RREB1: variants seen among roughly 807,000 people sequenced by gnomAD.
RREB1 encodes ras responsive element binding protein 1.
A neutral mutation model predicts 117.8 loss-of-function variants in RREB1; 27 were observed. That is an observed-to-expected ratio of 0.23 (90% CI 0.17 to 0.32). RREB1 has a LOEUF of 0.32. RREB1 is among the 10% of genes least tolerant of loss of function. The pLI is 1.00. For missense variants in RREB1, 2,577 were observed against 2,378.2 expected, an observed-to-expected ratio of 1.08 and a Z score of -1.74; for synonymous variants, 1,298 against 1,026.7, an observed-to-expected ratio of 1.26 and a Z score of -5.05.
chr6:7,175,652 T>C (rs936546752), intron 1 of RREB1, among the ~76,000 whole-genome samples: 2 of 152,252 alleles, frequency 1.3e-5, no homozygotes, highest in Non-Finnish European at 2.9e-5. Context: ...AGCCAGGGAA[T>C]GTGGCCACAT....
intron 6 of RREB1, among the ~76,000 whole-genome samples, chr6:7,197,588 C>G (rs1316529320): frequency 1.3e-5 from 2 of 152,226 alleles, no homozygotes; most frequent in Non-Finnish European, 2.9e-5. Context: ...TTCACTTGAA[C>G]TCATGAGGCG....
chr6:7,114,644 T>G (rs765874028), intron 1 of RREB1, among the ~76,000 whole-genome samples: 2 of 152,212 alleles, frequency 1.3e-5, no homozygotes, highest in African/African-American at 2.4e-5. Context: ...ACAAGTCCAC[T>G]GGGTGCGCTG....
At chr6:7,150,107 T>C (rs970420119) in intron 1 of RREB1, among the ~76,000 whole-genome samples, 1 of 151,918 alleles carries the variant, frequency 6.6e-6, no homozygotes, top group Non-Finnish European at 1.5e-5. Context: ...TATACCAGAC[T>C]CTTTCTTGGC....
Position 7,236,081 on chromosome 6 carries a change from C to G in RREB1, c.3808+4174C>G, listed in dbSNP as rs561488726. ...TTCCTGGTTCCTTACCTTTCTCTAC[C>G]TAAACGCGCCACTCCATAGGAGACA... On this transcript the variant is annotated intron_variant, in intron 10 of 12. Transcript: ENST00000379938. Among the ~76,000 whole-genome samples, 5 of 152,230 alleles carry G rather than the reference C, an allele frequency of 3.3e-5. No homozygotes were observed. The South Asian group carries it at 1.0e-3, about 32-fold the overall frequency.
chr6:7,196,215 TTCG>T (rs1765659783), intron 6 of RREB1, among the ~76,000 whole-genome samples: 2 of 140,936 alleles, frequency 1.4e-5, no homozygotes, highest in Non-Finnish European at 3.0e-5. Flanking sequence ...GGTTTTTTTT[TTCG>T]TTTTTTTTTT....
chr6:7,167,920 G>A (rs767592362), intron 1 of RREB1, among the ~76,000 whole-genome samples: 4 of 152,102 alleles, frequency 2.6e-5, no homozygotes, highest in African/African-American at 9.7e-5. Context: ...CTCAGAGTTC[G>A]GTGGCTCCAT....
rs912861461 is a variant in RREB1 at position 7,226,487 on chromosome 6, C to T, written c.728C>T (p.Thr243Ile). The change falls in exon 9 of 13, where the codon ACC (threonine) becomes ATC (isoleucine). Residue 243 changes from threonine to isoleucine, a missense_variant. Transcript: ENST00000379938. Reference sequence around the variant, plus strand: ...CCTAGATGTGACATTTGTTGTGTCACCTTTCGAACACATCGAGGACTGCTG... The same window carrying T: ...CCTAGATGTGACATTTGTTGTGTCATCTTTCGAACACATCGAGGACTGCTG... ...NPLRCDICCV[T>I]FRTHRGLLRH... 10 of 1,613,332 alleles carry T rather than the reference C, an allele frequency of 6.2e-6. No individual in the cohort carries two copies. The highest frequency in any genetic ancestry group is 8.5e-6 in the Non-Finnish European group (10 of 1,179,568).
In RREB1 at chr6:7,231,155, ACTC is replaced by A. The variant is rs1316065684; in HGVS notation, c.3060_3062del (p.Ser1021del). 1 of 1,610,476 alleles carries A rather than the reference ACTC, an allele frequency of 6.2e-7. No homozygotes were observed. Among genetic ancestry groups the A allele is most frequent in the East Asian group, 2.2e-5 (1 of 44,768 alleles). On this transcript the variant is annotated inframe_deletion, in exon 10 of 13. Coordinates refer to ENST00000379938, the MANE Select transcript of RREB1 (RefSeq NM_001003699.4). ...CCTGTTCAGCTGGCGGTCCCAATCT[ACTC>A]CTCAGCCCTGGTCAGCAGCCCTCCA...
chr6:7,141,616 CG>C (rs1443124565), intron 1 of RREB1, among the ~76,000 whole-genome samples: 1 of 152,212 alleles, frequency 6.6e-6, no homozygotes, highest in African/African-American at 2.4e-5. Flanking sequence ...TTGGCTTCCC[CG>C]ATGGCTATTT....
intron 8 of RREB1, among the ~76,000 whole-genome samples, chr6:7,225,459 T>C (rs1581565334): frequency 6.6e-6 from 1 of 152,138 alleles, no homozygotes; most frequent in Admixed American, 6.5e-5. Context: ...ATAACGATGG[T>C]ATTTTGTTTT....
chr6:7,203,085 GT>G (rs1348370436), intron 6 of RREB1, among the ~76,000 whole-genome samples: 2 of 152,228 alleles, frequency 1.3e-5, no homozygotes, highest in African/African-American at 4.8e-5. Flanking sequence ...GGGTAGGGCA[GT>G]TAGGAATCAT....
intron 8 of RREB1, 82 bp downstream of exon 8, chr6:7,211,791 A>G: frequency 7.0e-7 from 1 of 1,425,634 alleles, no homozygotes; most frequent in African/African-American, 1.4e-5. Context: ...GTTACTCCAC[A>G]CCGGGCTCCA....
chr6:7,124,998 T>C (rs73372674), intron 1 of RREB1, among the ~76,000 whole-genome samples: 4,812 of 152,328 alleles, frequency 0.032, 240 homozygotes, highest in African/African-American at 0.11. Context: ...GATCCTTCCT[T>C]GTGAGGCACA....
In RREB1 at chr6:7,169,645, T is replaced by C. The variant is rs115579364; in HGVS notation, c.-284-7010T>C. Among the ~76,000 whole-genome samples, 632 of 152,224 alleles carry C rather than the reference T, an allele frequency of 4.2e-3. 5 individuals carry two copies. The highest frequency in any genetic ancestry group is 0.014 in the African/African-American group (596 of 41,524). ...TGCAAATCTGGCAGTAGTTAGATCC[T>C]GGCAGGAAGACATGCTCCCTGGAGA... On this transcript the variant is annotated intron_variant, in intron 1 of 12. Transcript: ENST00000379938.
intron 1 of RREB1, among the ~76,000 whole-genome samples, chr6:7,133,249 C>T (rs1762226463): frequency 6.6e-6 from 1 of 152,136 alleles, no homozygotes. Flanking sequence ...TTGCATGTCA[C>T]ATTCTCTTAG....
chr6:7,237,747 C>T (rs760278503), intron 10 of RREB1, among the ~76,000 whole-genome samples: 22 of 152,166 alleles, frequency 1.4e-4, no homozygotes, highest in Non-Finnish European at 2.8e-4. Context: ...TAAACGGGCC[C>T]GTTTTCCTGC....
At chr6:7,193,545 T>C (rs1581519521) in intron 6 of RREB1, among the ~76,000 whole-genome samples, 1 of 152,248 alleles carries the variant, frequency 6.6e-6, no homozygotes, top group Non-Finnish European at 1.5e-5. Context: ...ACAGATTGAG[T>C]ACCCCATATC....
intron 1 of RREB1, among the ~76,000 whole-genome samples, chr6:7,113,512 G>A (rs1188251661): frequency 6.6e-6 from 1 of 152,108 alleles, no homozygotes; most frequent in Admixed American, 6.5e-5. Context: ...CCACGTTCAT[G>A]CTGAGAGGAA....
At chr6:7,159,580 T>C (rs1763547789) in intron 1 of RREB1, among the ~76,000 whole-genome samples, 1 of 152,232 alleles carries the variant, frequency 6.6e-6, no homozygotes, top group Non-Finnish European at 1.5e-5. Context: ...AATAATGTTT[T>C]GAGTGAAATA....
Sources: allele counts gnomAD v4.1 joint callset (sites outside exome capture counted in the v4.1 genomes callset), GRCh38; gene constraint gnomAD v4.1.1; transcripts MANE v1.5; gene names NCBI Gene and HGNC (gene_info 2026-07-23, HGNC 2026-07-21).